The following MPHOSPH9 variants were observed in gnomAD, a reference collection of about 807,000 sequenced individuals.
MPHOSPH9 encodes the protein M-phase phosphoprotein 9.
A neutral mutation model predicts 145.5 loss-of-function variants in MPHOSPH9; 88 were observed. That is an observed-to-expected ratio of 0.60 (90% confidence interval 0.51 to 0.72). MPHOSPH9 has a LOEUF of 0.72. Among genes scored for constraint, MPHOSPH9 ranks in the 30% least tolerant of loss-of-function variants. The pLI is 0.00. For synonymous variants in MPHOSPH9, 435 were observed against 486.2 expected, an observed-to-expected ratio of 0.89 and a Z score of 1.39; for missense variants, 1,238 against 1,386.6, an observed-to-expected ratio of 0.89 and a Z score of 1.70.
rs551273276 is a variant in MPHOSPH9, at chr12:123,210,885, C to T, written c.1088-723G>A. Among the ~76,000 whole-genome samples, 16 of 151,396 alleles carry T rather than the reference C, an allele frequency of 1.1e-4. No homozygotes were observed. In the South Asian group the frequency reaches 3.3e-3, roughly 32 times the overall value. ...TCGGCTCATTGCAACCTCCGCCTCC[C>T]GAGTTCAAGCAATTCTCCTGCCTCA... On this transcript the variant is annotated intron_variant, in intron 7 of 23. Coordinates refer to ENST00000606320, the MANE Select transcript of MPHOSPH9 (RefSeq NM_022782.4).
intron 13 of MPHOSPH9, among the ~76,000 whole-genome samples, chr12:123,181,567 A>C (rs190202689): frequency 2.7e-4 from 41 of 151,582 alleles, no homozygotes; most frequent in East Asian, 1.6e-3. Flanking sequence ...AAAACAAAAA[A>C]AAAACAAAAG....
upstream of MPHOSPH9, among the ~76,000 whole-genome samples, chr12:123,237,565 GA>G (rs1282663513): frequency 3.9e-5 from 6 of 152,198 alleles, no homozygotes; most frequent in Non-Finnish European, 8.8e-5. Flanking sequence ...ACCAGACCTA[GA>G]GTAGTCTCTT....
At chr12:123,214,056 A>AT (rs1593211712) in intron 7 of MPHOSPH9, among the ~76,000 whole-genome samples, 1 of 151,988 alleles carries the variant, frequency 6.6e-6, no homozygotes, top group Non-Finnish European at 1.5e-5. Context: ...GGAAAAAAAA[A>AT]AAAGTCTGTA....
At chr12:123,183,275 T>C (rs2045275301) in intron 13 of MPHOSPH9, among the ~76,000 whole-genome samples, 1 of 150,984 alleles carries the variant, frequency 6.6e-6, no homozygotes. Flanking sequence ...TGGCCGGGCG[T>C]GGTAGCTCAC....
intron 1 of MPHOSPH9, among the ~76,000 whole-genome samples, chr12:123,241,527 AC>A (rs2047936910): frequency 6.6e-6 from 1 of 151,990 alleles, no homozygotes; most frequent in East Asian, 1.9e-4. Context: ...TTTAGTAGAG[AC>A]GGGGTTTCAC....
intron 13 of MPHOSPH9, among the ~76,000 whole-genome samples, chr12:123,184,353 A>C (rs569787219): frequency 6.6e-6 from 1 of 152,204 alleles, no homozygotes; most frequent in Non-Finnish European, 1.5e-5. Context: ...AAAACCTTCT[A>C]AACATTCACA....
chr12:123,191,328 T>TAAAGAA (rs1379063916), intron 13 of MPHOSPH9, among the ~76,000 whole-genome samples: 12 of 151,086 alleles, frequency 7.9e-5, no homozygotes, highest in African/African-American at 1.5e-4. Flanking sequence ...TCTCCAAAAA[T>TAAAGAA]AAAGAAAAAG....
intron 11 of MPHOSPH9, among the ~76,000 whole-genome samples, chr12:123,201,623 G>A (rs992107205): frequency 2.0e-5 from 3 of 152,022 alleles, no homozygotes; most frequent in African/African-American, 7.2e-5. Context: ...CAAGAGATCT[G>A]CCTGCCACAG....
At chr12:123,221,943 C>A in intron 4 of MPHOSPH9, 48 bp from the exon 5 acceptor site, 1 of 990,214 alleles carries the variant, frequency 1.0e-6, no homozygotes, top group South Asian at 1.7e-5. Context: ...TATTAAACAT[C>A]ATATTTTTAT....
intron 3 of MPHOSPH9, among the ~76,000 whole-genome samples, 154 bp downstream of exon 3, chr12:123,227,309 A>G (rs2047472927): frequency 6.6e-6 from 1 of 152,178 alleles, no homozygotes; most frequent in Admixed American, 6.6e-5. Flanking sequence ...CATTCATTCA[A>G]TATCATTCCC....
intron 3 of MPHOSPH9, among the ~76,000 whole-genome samples, chr12:123,226,549 T>C (rs919027678): frequency 2.0e-5 from 3 of 151,986 alleles, no homozygotes; most frequent in Admixed American, 6.6e-5. Context: ...GAGGGGGTCT[T>C]GCTATGTTGC....
chr12:123,153,344 A>G (rs1336152257), downstream of MPHOSPH9: 1 of 152,216 alleles, frequency 6.6e-6, no homozygotes, highest in Non-Finnish European at 1.5e-5. Flanking sequence ...TGCTTAATTT[A>G]AACTCCAAAA....
chr12:123,191,692 T>C (rs527630220), intron 13 of MPHOSPH9, among the ~76,000 whole-genome samples: 1 of 152,054 alleles, frequency 6.6e-6, no homozygotes, highest in Non-Finnish European at 1.5e-5. Flanking sequence ...CTTGGAAAAG[T>C]ACAAGATGAG....
chr12:123,199,649 C>T (rs1435480089), intron 11 of MPHOSPH9, among the ~76,000 whole-genome samples: 8 of 151,682 alleles, frequency 5.3e-5, no homozygotes, highest in Admixed American at 2.0e-4. Flanking sequence ...AAAAATTAGC[C>T]GGGCATGGTG....
At chr12:123,228,199 G>C (rs1306272656) in intron 2 of MPHOSPH9, among the ~76,000 whole-genome samples, 1 of 151,974 alleles carries the variant, frequency 6.6e-6, no homozygotes, top group African/African-American at 2.4e-5. Flanking sequence ...CAAACTTCAG[G>C]TAAGTTATTT....
chr12:123,202,957 C>A lies in MPHOSPH9; in HGVS notation c.1448G>T (p.Ser483Ile). 5 of 1,614,096 alleles carry A rather than the reference C, an allele frequency of 3.1e-6. No individual in the cohort carries two copies. The highest frequency in any genetic ancestry group is 4.2e-6 in the Non-Finnish European group (5 of 1,180,032). Residue 483 changes from serine (S) to isoleucine (I), a missense_variant, in exon 10 of 24, where the codon AGT (serine) becomes ATT (isoleucine). Physicochemically the swap from Ser to Ile is moderately radical, Grantham distance 142. This residue lies in a region of MPHOSPH9 where 837 missense variants were observed against 897.5 expected (regional missense o/e 0.93). Coordinates refer to ENST00000606320, the MANE Select transcript of MPHOSPH9 (RefSeq NM_022782.4). ...SFSPDSVLEP[S>I]MSSPSDIDSF... ...GTCTATGTCAGAGGGACTAGACATA[C>A]TAGGCTCTAGAACAGAGTCCGGGGA...
chr12:123,223,910 T>C (rs192186914), intron 3 of MPHOSPH9, among the ~76,000 whole-genome samples: 1 of 152,046 alleles, frequency 6.6e-6, no homozygotes, highest in East Asian at 1.9e-4. Flanking sequence ...CATAGATGGC[T>C]AAAAGGATTA....
chr12:123,189,992 T>C (rs1183451742), intron 13 of MPHOSPH9, among the ~76,000 whole-genome samples: 2 of 151,520 alleles, frequency 1.3e-5, no homozygotes, highest in African/African-American at 4.8e-5. Flanking sequence ...AGTTTCAAGA[T>C]ACGCCAAAGA....
chr12:123,220,350 G>A (rs963305589), intron 5 of MPHOSPH9, among the ~76,000 whole-genome samples: 1 of 151,270 alleles, frequency 6.6e-6, no homozygotes, highest in Non-Finnish European at 1.5e-5. Flanking sequence ...CACGTCACCT[G>A]AGGTCAGGAG....
Sources: gnomAD v4.1 joint callset for allele counts (sites outside exome capture counted in the v4.1 genomes callset) on GRCh38, gnomAD v4.1.1 for gene constraint, gnomAD v4.1.1 regional missense constraint, MANE v1.5 for transcripts, NCBI Gene and HGNC (gene_info 2026-07-23, HGNC 2026-07-21) for gene names.